CCDC170: variants seen among roughly 807,000 people sequenced by gnomAD.
The protein encoded by CCDC170 is coiled-coil domain containing 170.
CCDC170 carries 69 observed loss-of-function variants against 72.6 expected under a neutral mutation model. That is an observed-to-expected ratio of 0.95 (90% CI 0.78 to 1.16). CCDC170 has a LOEUF of 1.16. Among genes scored for constraint, CCDC170 ranks in the 50% most tolerant of loss-of-function variants. The pLI is 0.00. For missense variants in CCDC170, 852 were observed against 832.5 expected, an observed-to-expected ratio of 1.02 and a Z score of -0.29; for synonymous variants, 300 against 303.9, an observed-to-expected ratio of 0.99 and a Z score of 0.13.
chr6:151,593,464 G>A (rs1218431525), intron 8 of CCDC170, among the ~76,000 whole-genome samples, 184 bp downstream of exon 8: 2 of 150,752 alleles, frequency 1.3e-5, no homozygotes, highest in Non-Finnish European at 3.0e-5. Context: ...TGTCACCTAA[G>A]GTTGTGTTTC....
intron 5 of CCDC170, among the ~76,000 whole-genome samples, chr6:151,571,178 A>G (rs1776214165): frequency 6.6e-6 from 1 of 152,204 alleles, no homozygotes; most frequent in African/African-American, 2.4e-5. Flanking sequence ...TTTCTTTTAA[A>G]GCCCAGTTCT....
At chr6:151,510,270 A>G (rs1270788670) in intron 1 of CCDC170, among the ~76,000 whole-genome samples, 1 of 152,218 alleles carries the variant, frequency 6.6e-6, no homozygotes, top group Non-Finnish European at 1.5e-5. Flanking sequence ...ATACTCAGTC[A>G]CTGGGGCTAC....
At chr6:151,549,458 A>G (rs907879717) in intron 5 of CCDC170, among the ~76,000 whole-genome samples, 2 of 152,238 alleles carry the variant, frequency 1.3e-5, no homozygotes, top group Admixed American at 6.5e-5. Flanking sequence ...ATATATTTGA[A>G]CAAATAGGTA....
chr6:151,580,753 G>A (rs1776368301), intron 6 of CCDC170, among the ~76,000 whole-genome samples: 1 of 151,778 alleles, frequency 6.6e-6, no homozygotes, highest in Non-Finnish European at 1.5e-5. Flanking sequence ...AGAGTTTAGA[G>A]CTCAGGTGGT....
intron 1 of CCDC170, among the ~76,000 whole-genome samples, chr6:151,509,400 A>G (rs774007368): frequency 6.6e-6 from 1 of 151,968 alleles, no homozygotes; most frequent in Non-Finnish European, 1.5e-5. Flanking sequence ...TATACCCAAT[A>G]CCTCCCATGG....
At chr6:151,512,162 GTT>G (rs546546640) in intron 1 of CCDC170, among the ~76,000 whole-genome samples, 11 of 126,434 alleles carry the variant, frequency 8.7e-5, no homozygotes, top group African/African-American at 2.4e-4. Flanking sequence ...GTTTTTTTTT[GTT>G]TTTTTTTTTT....
At chr6:151,532,247 A>G (rs1782500600) in intron 1 of CCDC170, among the ~76,000 whole-genome samples, 1 of 152,240 alleles carries the variant, frequency 6.6e-6, no homozygotes, top group Non-Finnish European at 1.5e-5. Context: ...CATTTACAAT[A>G]TGACAAAAAG....
chr6:151,543,386 A>C (rs1466379497), intron 3 of CCDC170, among the ~76,000 whole-genome samples: 1 of 152,120 alleles, frequency 6.6e-6, no homozygotes, highest in Non-Finnish European at 1.5e-5. Context: ...CATGTATACA[A>C]TGTATAATGA....
chr6:151,527,629 G>T (rs150337613), intron 1 of CCDC170, among the ~76,000 whole-genome samples: 1 of 152,128 alleles, frequency 6.6e-6, no homozygotes, highest in Non-Finnish European at 1.5e-5. Context: ...TTCTTAGAAG[G>T]AGTTGCTTAC....
Position 151,562,190 on chromosome 6 carries a change from C to T in CCDC170, c.775-10984C>T, listed in dbSNP as rs963916511. Reference sequence around the variant, plus strand: ...GATGTTATTGAGTTTCCTTGCAATCCGTATTTTGAATTCTTTATCTGTCAT... The same window carrying T: ...GATGTTATTGAGTTTCCTTGCAATCTGTATTTTGAATTCTTTATCTGTCAT... On this transcript the variant is annotated intron_variant, in intron 5 of 10. Transcript: ENST00000239374. 9.2e-5 allele frequency among the ~76,000 whole-genome samples: 14 copies of T among 151,990 alleles called. No individual in the cohort carries two copies. The East Asian group carries it at 1.9e-3, about 21-fold the overall frequency.
rs750610652 is a variant in CCDC170, at chr6:151,593,241, C to T, written c.1428C>T (p.Val476=). The change falls in exon 8 of 11, where the codon GTC becomes GTT. Residue 476 remains valine (V), a synonymous_variant. Transcript: ENST00000239374. Reference sequence around the variant, plus strand: ...TGGTTCGTCTTGAGAGCAATGCAGTCATTGAGAACAAGACCATTGCCCACA... The same window carrying T: ...TGGTTCGTCTTGAGAGCAATGCAGTTATTGAGAACAAGACCATTGCCCACA... ...EQLVRLESNA[V]IENKTIAHNL... The T allele has an allele frequency of 6.2e-7, 1 of 1,614,110 alleles. No homozygotes were observed. The highest frequency in any genetic ancestry group is 8.5e-7 in the Non-Finnish European group (1 of 1,180,012).
intron 1 of CCDC170, among the ~76,000 whole-genome samples, chr6:151,523,839 A>G (rs770442991): frequency 7.9e-5 from 12 of 152,234 alleles, no homozygotes; most frequent in Non-Finnish European, 1.3e-4. Flanking sequence ...AAGCATTGCA[A>G]ACACTGCTGT....
intron 9 of CCDC170, among the ~76,000 whole-genome samples, chr6:151,613,480 T>G (rs1776908155): frequency 6.6e-6 from 1 of 152,158 alleles, no homozygotes; most frequent in Non-Finnish European, 1.5e-5. Flanking sequence ...TTTCAAAACA[T>G]TTTCATCCCC....
At chr6:151,494,614 T>G (rs778853609) in intron 1 of CCDC170, among the ~76,000 whole-genome samples, 4 of 152,180 alleles carry the variant, frequency 2.6e-5, no homozygotes, top group African/African-American at 9.7e-5. Context: ...GCCCTTTCGT[T>G]GCGAAGTAAT....
chr6:151,580,189 T>C (rs1208032843), intron 6 of CCDC170, among the ~76,000 whole-genome samples: 1 of 152,154 alleles, frequency 6.6e-6, no homozygotes, highest in Non-Finnish European at 1.5e-5. Flanking sequence ...GATCACACAG[T>C]TCTCCCTCTC....
chr6:151,548,235 G>A, intron 4 of CCDC170, 69 bp from the exon 5 acceptor site: 1 of 1,350,214 alleles, frequency 7.4e-7, no homozygotes, highest in Non-Finnish European at 9.9e-7. Flanking sequence ...GTCTATAGAT[G>A]TGACTTGCTT....
chr6:151,576,401 G>A, intron 6 of CCDC170, among the ~76,000 whole-genome samples: 1 of 151,190 alleles, frequency 6.6e-6, no homozygotes, highest in East Asian at 1.9e-4. Flanking sequence ...TACTTCAATA[G>A]CTAATTTTTT....
intron 9 of CCDC170, among the ~76,000 whole-genome samples, chr6:151,610,783 G>A (rs1477783993): frequency 6.6e-6 from 1 of 152,202 alleles, no homozygotes; most frequent in Non-Finnish European, 1.5e-5. Context: ...CTCTACTGGT[G>A]ATATTTTTCA....
rs148905962 is a variant in CCDC170, at chr6:151,575,302, C to T, written c.1092+1811C>T. The stretch of plus-strand genomic sequence containing the variant: ...TCAGAAGAATCACTAACTCAAAGTT[C>T]AGGGTTGCATTTGTCAATTTCCTTT... On this transcript the variant is annotated intron_variant, in intron 6 of 10. Transcript: ENST00000239374. 3.2e-3 allele frequency among the ~76,000 whole-genome samples: 488 copies of T among 151,668 alleles called. 6 individuals carry two copies. The highest frequency in any genetic ancestry group is 0.011 in the African/African-American group (473 of 41,374).
Sources: allele counts gnomAD v4.1 joint callset (sites outside exome capture counted in the v4.1 genomes callset), GRCh38; gene constraint gnomAD v4.1.1; transcripts MANE v1.5; gene names NCBI Gene and HGNC (gene_info 2026-07-23, HGNC 2026-07-21).